The following PLCB1 variants were observed in gnomAD, a reference collection of about 807,000 sequenced individuals.
The protein encoded by PLCB1 is phospholipase C beta 1.
PLCB1 carries 46 observed loss-of-function variants against 161.8 expected under a neutral mutation model. The ratio of observed to expected loss-of-function variants is 0.28; its 90% CI spans 0.22 to 0.36. PLCB1 has a LOEUF of 0.36. Ranked by LOEUF, PLCB1 falls within the 10% of genes least tolerant of loss-of-function variation. The pLI is 1.00. For missense variants in PLCB1, 1,016 were observed against 1,472.5 expected (o/e 0.69, Z 5.07); for synonymous variants, 517 against 503.7 (o/e 1.03, Z -0.35).
chr20:8,513,494 C>T (rs542336988), intron 3 of PLCB1, among the ~76,000 whole-genome samples: 5 of 152,286 alleles, frequency 3.3e-5, no homozygotes, highest in Admixed American at 2.0e-4. Flanking sequence ...ATTAAATGCA[C>T]GAAGTGTGCT....
chr20:8,735,878 C>A (rs887690229), intron 19 of PLCB1, among the ~76,000 whole-genome samples: 3 of 152,206 alleles, frequency 2.0e-5, no homozygotes, highest in Non-Finnish European at 4.4e-5. Context: ...GAGAGCCTTC[C>A]TGATGACTTT....
chr20:8,792,489 A>G (rs1341452855), intron 31 of PLCB1: 1 of 467,690 alleles, frequency 2.1e-6, no homozygotes, highest in African/African-American at 2.0e-5. Context: ...GTTTATAACA[A>G]TTTTTTGTTT....
intron 31 of PLCB1, among the ~76,000 whole-genome samples, chr20:8,799,478 A>G (rs1984185327): frequency 6.6e-6 from 1 of 152,202 alleles, no homozygotes; most frequent in African/African-American, 2.4e-5. Context: ...GAATTTTGCT[A>G]ATACTCATTA....
At chr20:8,639,182 T>C (rs1988863771) in intron 4 of PLCB1, among the ~76,000 whole-genome samples, 1 of 152,064 alleles carries the variant, frequency 6.6e-6, no homozygotes, top group Non-Finnish European at 1.5e-5. Context: ...AGGCAGGGAT[T>C]GGAGGGAAGT....
At chr20:8,251,090 C>T (rs1312015122) in intron 2 of PLCB1, among the ~76,000 whole-genome samples, 2 of 151,902 alleles carry the variant, frequency 1.3e-5, no homozygotes, top group Non-Finnish European at 2.9e-5. Context: ...GTGGTCTGTT[C>T]TCATAGATGA....
chr20:8,633,741 C>T (rs1236097964), intron 4 of PLCB1, among the ~76,000 whole-genome samples: 2 of 152,028 alleles, frequency 1.3e-5, no homozygotes, highest in Non-Finnish European at 2.9e-5. Flanking sequence ...AATATATCCA[C>T]CTAATCAACA....
At chr20:8,237,924 G>A (rs1469397819) in intron 2 of PLCB1, among the ~76,000 whole-genome samples, 2 of 152,008 alleles carry the variant, frequency 1.3e-5, no homozygotes, top group African/African-American at 4.8e-5. Flanking sequence ...GTAATGTCTT[G>A]GGGAAAGATT....
chr20:8,244,004 C>A (rs1337073179), intron 2 of PLCB1, among the ~76,000 whole-genome samples: 1 of 151,688 alleles, frequency 6.6e-6, no homozygotes, highest in Non-Finnish European at 1.5e-5. Context: ...CAGAGAATGT[C>A]ATGGTGAAAA....
chr20:8,762,337 C>A (rs899938857), intron 25 of PLCB1, among the ~76,000 whole-genome samples: 6 of 151,836 alleles, frequency 4.0e-5, no homozygotes, highest in African/African-American at 1.5e-4. Flanking sequence ...TGGTCTGTAC[C>A]AATACATTAG....
chr20:8,377,358 G>A (rs1472196326), intron 3 of PLCB1, among the ~76,000 whole-genome samples: 2 of 152,170 alleles, frequency 1.3e-5, no homozygotes, highest in Admixed American at 6.5e-5. Context: ...TGTGGCTACT[G>A]TAGAGTTCAG....
chr20:8,335,059 C>T (rs555853116), intron 2 of PLCB1, among the ~76,000 whole-genome samples: 1 of 152,356 alleles, frequency 6.6e-6, no homozygotes, highest in South Asian at 2.1e-4. Context: ...AATACTTGAA[C>T]TACAAATGTC....
In PLCB1 at chr20:8,881,865, C is replaced by G; in HGVS notation, c.*16C>G. 6.4e-7 allele frequency: 1 copy of G among 1,554,412 alleles called. No homozygotes were observed. Among genetic ancestry groups the G allele is most frequent in the Non-Finnish European group, 8.9e-7 (1 of 1,125,966 alleles). ...TCCTCTGTGAATGCTCCTGCCAGGC[C>G]TTCAGAAATTGCATGGCCACTCCAG... is the stretch of plus-strand genomic sequence containing the variant. On this transcript the variant is annotated 3_prime_UTR_variant, in exon 32 of 32. Transcript: ENST00000338037.
chr20:8,432,181 G>T (rs1035453740), intron 3 of PLCB1, among the ~76,000 whole-genome samples: 1 of 152,168 alleles, frequency 6.6e-6, no homozygotes, highest in Non-Finnish European at 1.5e-5. Context: ...TTTATTGGGT[G>T]AAAGAGGGAA....
intron 6 of PLCB1, 34 bp from the exon 7 acceptor site, chr20:8,649,340 T>G: frequency 6.5e-7 from 1 of 1,532,654 alleles, no homozygotes; most frequent in Non-Finnish European, 9.0e-7. Flanking sequence ...ATGTGCCATT[T>G]AAACCTCTCT....
chr20:8,477,275 G>A (rs563320561), intron 3 of PLCB1, among the ~76,000 whole-genome samples: 1 of 152,338 alleles, frequency 6.6e-6, no homozygotes, highest in Non-Finnish European at 1.5e-5. Flanking sequence ...AGGCAAAGCT[G>A]TAGAGTTGCC....
In PLCB1 at chr20:8,480,988, C is replaced by A. The variant is rs377053590; in HGVS notation, c.246+109538C>A. Among the ~76,000 whole-genome samples the A allele has an allele frequency of 1.8e-4, 27 of 152,134 alleles. 1 individual carries two copies. The East Asian group carries it at 5.2e-3, about 30-fold the overall frequency. On this transcript the variant is annotated intron_variant, in intron 3 of 31. Transcript: ENST00000338037. ...GCGTGGTGGTGCGTACCTGTAGTCC[C>A]ACGTACTGGGGAGGCTGGGGCCAGA...
At chr20:8,589,017 G>A (rs1352656996) in intron 3 of PLCB1, among the ~76,000 whole-genome samples, 1 of 152,130 alleles carries the variant, frequency 6.6e-6, no homozygotes, top group Non-Finnish European at 1.5e-5. Context: ...AGGGGTGTCC[G>A]ACATCATGGT....
chr20:8,434,011 A>G (rs750385956), intron 3 of PLCB1, among the ~76,000 whole-genome samples: 17 of 152,348 alleles, frequency 1.1e-4, no homozygotes, highest in Non-Finnish European at 1.9e-4. Context: ...ATGATTTTCA[A>G]TCACAGTGAG....
Position 8,132,632 on chromosome 20 carries a change from C to G in PLCB1, c.-20C>G, listed in dbSNP as rs374950042. ...CCCTGCCGCGCTCGCCCGGGCCGCC[C>G]GGAGCCCAGATGAGCCCAGATGGCC... On this transcript the variant is annotated 5_prime_UTR_variant, in exon 1 of 32. Transcript: ENST00000338037. The surrounding 1 kb of genome is among the most constrained non-coding windows in gnomAD (Gnocchi z 5.2). 2.0e-5 allele frequency: 31 copies of G among 1,583,072 alleles called. No individual in the cohort carries two copies. The highest frequency in any genetic ancestry group is 4.5e-5 in the South Asian group (4 of 88,604).
Sources: gnomAD v4.1 joint callset for allele counts (sites outside exome capture counted in the v4.1 genomes callset) on GRCh38, gnomAD v4.1.1 for gene constraint, Gnocchi (gnomAD v3.1) non-coding constraint, MANE v1.5 for transcripts, NCBI Gene and HGNC (gene_info 2026-07-23, HGNC 2026-07-21) for gene names.